Variants in ZSCAN5A observed in about 807,000 individuals in gnomAD.
ZSCAN5A encodes zinc finger and SCAN domain containing 5A.
Under a neutral mutation model 23.7 loss-of-function variants are expected in ZSCAN5A, and 12 were observed. The observed-to-expected ratio is 0.51, with a 90% confidence interval of 0.32 to 0.82. The LOEUF is 0.82. Among genes scored for constraint, ZSCAN5A ranks in the 40% least tolerant of loss-of-function variants. The pLI is 0.03. For missense variants in ZSCAN5A, 597 were observed against 617.9 expected, an observed-to-expected ratio of 0.97 and a Z score of 0.36; for synonymous variants, 257 against 239.9, an observed-to-expected ratio of 1.07 and a Z score of -0.66.
intron 2 of ZSCAN5A, chr19:56,312,263 GT>G (rs1349628771): frequency 2.6e-5 from 4 of 152,092 alleles, no homozygotes. Flanking sequence ...TATCCAAGTT[GT>G]TCCAAACAGG....
At chr19:56,231,388 A>G (rs2034450782) in intron 2 of ZSCAN5A, among the ~76,000 whole-genome samples, 1 of 152,250 alleles carries the variant, frequency 6.6e-6, no homozygotes, top group South Asian at 2.1e-4. Flanking sequence ...TAAAGTTAAT[A>G]ATAATAATGA....
At chr19:56,230,567 G>A (rs1022424555) in intron 2 of ZSCAN5A, among the ~76,000 whole-genome samples, 17 of 151,880 alleles carry the variant, frequency 1.1e-4, no homozygotes, top group African/African-American at 3.9e-4. Context: ...CTCCCTAGCA[G>A]CTGGGGTTAC....
chr19:56,365,358 T>C (rs1600305710), intron 1 of ZSCAN5A, among the ~76,000 whole-genome samples: 1 of 152,190 alleles, frequency 6.6e-6, no homozygotes, highest in East Asian at 1.9e-4. Flanking sequence ...CCTTCTACCT[T>C]TGTAGCGAGG....
rs1407413443 is a variant in ZSCAN5A at position 56,313,122 on chromosome 19, C to T, written c.-128+161G>A. ...TACAGCAACTCATGTGCAAACAGGG[C>T]TGATCCTTTAAAATGTAATAAAGAA... On this transcript the variant is annotated intron_variant, in intron 2 of 5. Transcript: ENST00000683990. Among the ~76,000 whole-genome samples, 5 of 152,218 alleles carry T rather than the reference C, an allele frequency of 3.3e-5. No individual in the cohort carries two copies. The East Asian group carries it at 9.6e-4, about 29-fold the overall frequency.
At chr19:56,341,876 G>A (rs898412380) in intron 2 of ZSCAN5A, among the ~76,000 whole-genome samples, 1 of 152,098 alleles carries the variant, frequency 6.6e-6, no homozygotes, top group Non-Finnish European at 1.5e-5. Flanking sequence ...AGTTGAAGGA[G>A]AGTGTTACTA....
intron 2 of ZSCAN5A, among the ~76,000 whole-genome samples, chr19:56,323,935 A>C (rs948464259): frequency 1.3e-5 from 2 of 152,194 alleles, no homozygotes; most frequent in East Asian, 1.9e-4. Context: ...AAACCAGGAC[A>C]ATTGGGACTC....
At chr19:56,342,511 A>G in intron 2 of ZSCAN5A, 1 of 385,834 alleles carries the variant, frequency 2.6e-6, no homozygotes, top group Non-Finnish European at 5.4e-6. Flanking sequence ...ACTCCAATAA[A>G]ATCTATCTCC....
At chr19:56,336,698 T>C (rs1422965637) in intron 2 of ZSCAN5A, among the ~76,000 whole-genome samples, 1 of 152,244 alleles carries the variant, frequency 6.6e-6, no homozygotes, top group East Asian at 1.9e-4. Context: ...CTCTGTTTTT[T>C]CCCCATCTTT....
chr19:56,301,883 C>A, intron 2 of ZSCAN5A: 1 of 1,229,200 alleles, frequency 8.1e-7, no homozygotes, highest in Non-Finnish European at 1.0e-6. Context: ...GTTTGGAGAT[C>A]AGAATGGAGA....
At chr19:56,344,641 C>T (rs1425493807) in intron 2 of ZSCAN5A, among the ~76,000 whole-genome samples, 5 of 151,750 alleles carry the variant, frequency 3.3e-5, no homozygotes, top group Non-Finnish European at 7.4e-5. Context: ...CAGTGGCTCA[C>T]GCCTGTAATC....
intron 2 of ZSCAN5A, among the ~76,000 whole-genome samples, chr19:56,256,026 T>G (rs2036668054): frequency 6.6e-6 from 1 of 152,266 alleles, no homozygotes; most frequent in Non-Finnish European, 1.5e-5. Context: ...ACTTGTTAAG[T>G]AGCTGGTAAA....
intron 2 of ZSCAN5A, among the ~76,000 whole-genome samples, chr19:56,268,030 TTCTGGGAAAAATC>T (rs757776209): frequency 3.3e-5 from 5 of 152,176 alleles, no homozygotes; most frequent in Non-Finnish European, 5.9e-5. Flanking sequence ...TTCAGGTCCC[TTCTGGGAAAAATC>T]CCTGAAACTT....
intron 2 of ZSCAN5A, chr19:56,281,681 T>C: frequency 1.0e-6 from 1 of 985,368 alleles, no homozygotes; most frequent in Non-Finnish European, 1.2e-6. Context: ...CTGGCTCTGC[T>C]GCCCCTTCCA....
chr19:56,261,666 G>A (rs1478033912), intron 2 of ZSCAN5A, among the ~76,000 whole-genome samples: 2 of 152,104 alleles, frequency 1.3e-5, no homozygotes, highest in African/African-American at 2.4e-5. Context: ...ACTGAAAAGT[G>A]TATTAGGGGA....
intron 2 of ZSCAN5A, chr19:56,299,680 C>T (rs902612396): frequency 6.6e-6 from 1 of 152,192 alleles, no homozygotes; most frequent in African/African-American, 2.4e-5. Context: ...CTCCTGCACA[C>T]TTTAAATCAT....
At chr19:56,294,382 C>T (rs141417488) in intron 2 of ZSCAN5A, among the ~76,000 whole-genome samples, 16 of 152,318 alleles carry the variant, frequency 1.1e-4, no homozygotes, top group African/African-American at 3.6e-4. Context: ...ATAATGTGGG[C>T]GTAACTTACC....
intron 2 of ZSCAN5A, among the ~76,000 whole-genome samples, chr19:56,251,870 G>GT (rs776592804): frequency 2.0e-5 from 3 of 152,148 alleles, no homozygotes; most frequent in Non-Finnish European, 4.4e-5. Flanking sequence ...GGCAAGAATT[G>GT]TTTTTTATAT....
intron 2 of ZSCAN5A, among the ~76,000 whole-genome samples, chr19:56,301,650 C>G (rs971602380): frequency 6.6e-6 from 1 of 152,164 alleles, no homozygotes; most frequent in Admixed American, 6.5e-5. Context: ...TACCCAGCCC[C>G]TATTCAAGAC....
intron 2 of ZSCAN5A, among the ~76,000 whole-genome samples, chr19:56,362,685 C>A (rs1204871297): frequency 3.9e-5 from 6 of 152,048 alleles, no homozygotes; most frequent in Admixed American, 1.3e-4. Flanking sequence ...CTGGCTAACA[C>A]GGTAAAACCC....
Sources: allele counts gnomAD v4.1 joint callset (sites outside exome capture counted in the v4.1 genomes callset), GRCh38; gene constraint gnomAD v4.1.1; transcripts MANE v1.5; gene names NCBI Gene and HGNC (gene_info 2026-07-23, HGNC 2026-07-21).